PTPRT: variants seen among roughly 807,000 people sequenced by gnomAD.
PTPRT encodes receptor-type tyrosine-protein phosphatase T.
A neutral mutation model predicts 176.8 loss-of-function variants in PTPRT; 56 were observed. The ratio of observed to expected loss-of-function variants is 0.32; its 90% CI spans 0.26 to 0.40. The LOEUF (loss-of-function observed/expected upper bound fraction) is 0.40, where lower values mean the gene tolerates loss of function less well. Ranked by LOEUF, PTPRT falls within the 10% of genes least tolerant of loss-of-function variation. The pLI, the probability that PTPRT is intolerant of heterozygous loss-of-function variation, is 1.00. For missense variants in PTPRT, 1,540 were observed against 1,908.2 expected, an observed-to-expected ratio of 0.81 and a Z score of 3.60; for synonymous variants, 783 against 739.0, an observed-to-expected ratio of 1.06 and a Z score of -0.96.
At chr20:42,892,011 A>C (rs979980873) in intron 1 of PTPRT, among the ~76,000 whole-genome samples, 1 of 152,170 alleles carries the variant, frequency 6.6e-6, no homozygotes, top group African/African-American at 2.4e-5. Context: ...TTCCAATAAA[A>C]CTTTATTTGC....
chr20:43,072,285 G>A (rs1432228675), intron 1 of PTPRT, among the ~76,000 whole-genome samples: 2 of 152,194 alleles, frequency 1.3e-5, no homozygotes, highest in Non-Finnish European at 2.9e-5. Context: ...ATATGCAAGA[G>A]AAATTGGTTG....
chr20:42,263,595 G>A (rs1289932180), intron 13 of PTPRT, among the ~76,000 whole-genome samples: 1 of 151,136 alleles, frequency 6.6e-6, no homozygotes, highest in East Asian at 1.9e-4. Flanking sequence ...TGGTCAGGCT[G>A]GTCTAGAACT....
At chr20:42,189,194 C>T (rs1568656361) in intron 16 of PTPRT, among the ~76,000 whole-genome samples, 1 of 152,164 alleles carries the variant, frequency 6.6e-6, no homozygotes. Flanking sequence ...GTCCACCAGA[C>T]CTCACACCTC....
At chr20:43,135,120 A>G (rs1289241812) in intron 1 of PTPRT, among the ~76,000 whole-genome samples, 2 of 152,330 alleles carry the variant, frequency 1.3e-5, no homozygotes, top group Non-Finnish European at 2.9e-5. Flanking sequence ...GTGAAGGGTT[A>G]TGTCTGGGGT....
chr20:42,543,021 CTTTTTGTT>C (rs1422776999), intron 7 of PTPRT, among the ~76,000 whole-genome samples: 136 of 152,302 alleles, frequency 8.9e-4, no homozygotes, highest in African/African-American at 3.0e-3. Context: ...AAGTTGTAAT[CTTTTTGTT>C]GGTGGAGGGT....
At chr20:43,173,607 T>C (rs1600771143) in intron 1 of PTPRT, among the ~76,000 whole-genome samples, 3 of 152,208 alleles carry the variant, frequency 2.0e-5, no homozygotes, top group Admixed American at 2.0e-4. Context: ...CTGCTGTGCT[T>C]GCGGGAGCCC....
chr20:42,599,649 G>A (rs1218828107), intron 7 of PTPRT, among the ~76,000 whole-genome samples: 1 of 152,116 alleles, frequency 6.6e-6, no homozygotes, highest in African/African-American at 2.4e-5. Flanking sequence ...CCTGGATGAT[G>A]CAGGCTGCCT....
intron 1 of PTPRT, among the ~76,000 whole-genome samples, chr20:43,067,831 T>TG (rs2011126295): frequency 6.8e-6 from 1 of 147,470 alleles, no homozygotes; most frequent in Non-Finnish European, 1.5e-5. Context: ...CTGGGTATGG[T>TG]GGCACCCACC....
At chr20:42,935,756 A>G (rs1472169566) in intron 1 of PTPRT, among the ~76,000 whole-genome samples, 2 of 151,974 alleles carry the variant, frequency 1.3e-5, no homozygotes, top group Non-Finnish European at 2.9e-5. Context: ...CTTCTATTCT[A>G]TTCTATTCTT....
rs1394576209 is a variant in PTPRT at position 42,471,133 on chromosome 20, CG to C, written c.1450+1132del. Among the ~76,000 whole-genome samples the C allele has an allele frequency of 5.3e-5, 8 of 152,242 alleles. No homozygotes were observed. The East Asian group carries it at 1.2e-3, about 22-fold the overall frequency. ...CAGTTCTGGGTGGATCCAATGTGTA[CG>C]CTAAGCTTTTTATATCTATTTTCTG... On this transcript the variant is annotated intron_variant, in intron 8 of 30. Transcript: ENST00000373187.
chr20:42,183,987 T>C (rs1426965876), intron 16 of PTPRT, among the ~76,000 whole-genome samples: 1 of 152,152 alleles, frequency 6.6e-6, no homozygotes, highest in Non-Finnish European at 1.5e-5. Flanking sequence ...CAGCCTACCC[T>C]AGATGTTACA....
At position 42,618,364 on chromosome 20, in the gene PTPRT, T is replaced by C. The variant is rs2074121371; in HGVS notation, c.1153+59502A>G. Among the ~76,000 whole-genome samples, 2 of 135,910 alleles carry C rather than the reference T, an allele frequency of 1.5e-5. 1 individual carries two copies. The highest frequency in any genetic ancestry group is 3.1e-5 in the Non-Finnish European group (2 of 65,070). The allele number at this position is 135,910 out of a possible 152,430, so 89.2% of individuals were successfully genotyped here. A position where few individuals can be genotyped will look rare whatever the true frequency, so the allele number is the denominator to read the frequency against. On this transcript the variant is annotated intron_variant, in intron 7 of 30. Coordinates refer to ENST00000373187, the MANE Select transcript of PTPRT (RefSeq NM_007050.6). ...CTGAGGAGTGCTTTACTTCCAACTA[T>C]GTGGTCAATTTTGGAATAGGTGTGT... is the stretch of plus-strand genomic sequence containing the variant.
chr20:42,920,285 G>A (rs888803771), intron 1 of PTPRT, among the ~76,000 whole-genome samples: 1 of 152,158 alleles, frequency 6.6e-6, no homozygotes, highest in Non-Finnish European at 1.5e-5. Flanking sequence ...AACTGAAAAA[G>A]TCAAGCACAA....
intron 2 of PTPRT, among the ~76,000 whole-genome samples, chr20:42,868,761 C>A (rs1229390385): frequency 6.6e-6 from 1 of 152,212 alleles, no homozygotes; most frequent in Non-Finnish European, 1.5e-5. Flanking sequence ...TTTCAAAGAT[C>A]TCTAAAGTTG....
At chr20:42,619,003 TG>T (rs1056352669) in intron 7 of PTPRT, among the ~76,000 whole-genome samples, 5 of 152,076 alleles carry the variant, frequency 3.3e-5, no homozygotes, top group African/African-American at 9.7e-5. Context: ...CTGGTGATTT[TG>T]CTCGTAAGTT....
chr20:43,112,829 T>C (rs1191881135), intron 1 of PTPRT, among the ~76,000 whole-genome samples: 1 of 152,248 alleles, frequency 6.6e-6, no homozygotes, highest in Non-Finnish European at 1.5e-5. Context: ...GTTTTGCATG[T>C]AACTCATTCG....
At chr20:42,752,722 A>G (rs1439763813) in intron 6 of PTPRT, among the ~76,000 whole-genome samples, 1 of 152,212 alleles carries the variant, frequency 6.6e-6, no homozygotes, top group Non-Finnish European at 1.5e-5. Context: ...TTTTTTAAAC[A>G]AGTACAAATA....
At chr20:42,992,662 A>G (rs1330501145) in intron 1 of PTPRT, among the ~76,000 whole-genome samples, 2 of 152,248 alleles carry the variant, frequency 1.3e-5, no homozygotes, top group Non-Finnish European at 2.9e-5. Context: ...TCAGTTACCT[A>G]TTGCTGCATA....
At chr20:42,988,607 A>G (rs1983728117) in intron 1 of PTPRT, among the ~76,000 whole-genome samples, 1 of 152,194 alleles carries the variant, frequency 6.6e-6, no homozygotes, top group Admixed American at 6.5e-5. Flanking sequence ...CAGCAGGGAA[A>G]CACACTCACA....
Sources: gnomAD v4.1 joint callset for allele counts (sites outside exome capture counted in the v4.1 genomes callset) on GRCh38, gnomAD v4.1.1 for gene constraint, MANE v1.5 for transcripts, NCBI Gene and HGNC (gene_info 2026-07-23, HGNC 2026-07-21) for gene names.